The following RMND5A variants were observed in gnomAD, a reference collection of about 807,000 sequenced individuals.
The protein encoded by RMND5A is required for meiotic nuclear division 5 homolog A.
Under a neutral mutation model 49.7 loss-of-function variants are expected in RMND5A, and 17 were observed. The observed-to-expected ratio is 0.34, with a 90% confidence interval of 0.23 to 0.51. The LOEUF (loss-of-function observed/expected upper bound fraction) is 0.51, where lower values mean the gene tolerates loss of function less well. Among genes scored for constraint, RMND5A ranks in the 20% least tolerant of loss-of-function variants. The pLI is 0.96. For missense variants in RMND5A, 255 were observed against 471.3 expected (o/e 0.54, Z 4.25); for synonymous variants, 156 against 167.7 (o/e 0.93, Z 0.54).
intron 4 of RMND5A, among the ~76,000 whole-genome samples, chr2:86,755,120 T>C (rs1258755579): frequency 1.3e-5 from 2 of 151,672 alleles, no homozygotes; most frequent in Non-Finnish European, 2.9e-5. Context: ...TACTTTTTTT[T>C]TTTTTTTTCC....
chr2:86,748,593 A>G (rs1396307604), intron 2 of RMND5A: 6 of 152,208 alleles, frequency 3.9e-5, no homozygotes, highest in African/African-American at 1.4e-4. Flanking sequence ...TTTGTAGCAA[A>G]CCCAAAGAAA....
intron 4 of RMND5A, among the ~76,000 whole-genome samples, chr2:86,764,259 TATATTTAGAGAA>T (rs1352821521): frequency 6.6e-6 from 1 of 152,222 alleles, no homozygotes; most frequent in Non-Finnish European, 1.5e-5. Context: ...TATATATTAA[TATATTTAGAGAA>T]ATAAAGTACT....
rs545343435 is a variant in RMND5A, at chr2:86,747,343, TGTTAA to T, written c.286-4548_286-4544del. ...CATTTCATGTTCTGTCCATTTTTTC[TGTTAA>T]GTTATCTTTCTTATTGAGAGGTGTG... On this transcript the variant is annotated intron_variant, in intron 2 of 8. Coordinates refer to ENST00000283632, the MANE Select transcript of RMND5A (RefSeq NM_022780.4). Among the ~76,000 whole-genome samples, 344 of 152,362 alleles carry T rather than the reference TGTTAA, an allele frequency of 2.3e-3. 2 individuals are homozygous for T. Among genetic ancestry groups the T allele is most frequent in the African/African-American group, 7.7e-3 (322 of 41,590 alleles).
At chr2:86,761,762 T>C (rs1209988811) in intron 4 of RMND5A, among the ~76,000 whole-genome samples, 2 of 152,232 alleles carry the variant, frequency 1.3e-5, no homozygotes, top group Non-Finnish European at 2.9e-5. Flanking sequence ...AGTTCCTTTT[T>C]GTAAAGGTAT....
intron 4 of RMND5A, among the ~76,000 whole-genome samples, chr2:86,762,658 AT>A (rs1195697848): frequency 7.2e-5 from 9 of 124,736 alleles, no homozygotes; most frequent in South Asian, 4.8e-4. Context: ...AAAAAAAAAT[AT>A]TTTTTTATAT....
chr2:86,773,348 A>T lies in RMND5A; in HGVS notation c.1113A>T (p.Lys371Asn). 6.3e-7 allele frequency: 1 copy of T among 1,594,216 alleles called. No homozygotes were observed. The highest frequency in any genetic ancestry group is 8.6e-7 in the Non-Finnish European group (1 of 1,162,226). ...TCAGTGTTTTCTTCTTTGTCTTTAG[A>T]TTAAAATGTCCCTACTGTCCAATGG... ...DALNKMFNGS[K>N]LKCPYCPMEQ... Residue 371 changes from lysine to asparagine, a missense_variant and splice_region_variant, in exon 9 of 9, where the codon AAA becomes AAT. Around this residue, in one of 3 missense-constraint regions of RMND5A, gnomAD observed 208 missense variants for 339.8 expected, o/e 0.61. Coordinates refer to ENST00000283632, the MANE Select transcript of RMND5A (RefSeq NM_022780.4).
chr2:86,752,376 A>T (rs1681651542), intron 3 of RMND5A, among the ~76,000 whole-genome samples: 1 of 152,240 alleles, frequency 6.6e-6, no homozygotes, highest in Non-Finnish European at 1.5e-5. Flanking sequence ...GGACAAAAAC[A>T]TTGATGTTTG....
At chr2:86,769,575 T>C (rs1371873951) in intron 6 of RMND5A, among the ~76,000 whole-genome samples, 1 of 152,220 alleles carries the variant, frequency 6.6e-6, no homozygotes, top group Non-Finnish European at 1.5e-5. Context: ...TTTGAATTAA[T>C]TGGTTCTCCA....
At chr2:86,744,551 T>C (rs1410709436) in intron 2 of RMND5A, among the ~76,000 whole-genome samples, 1 of 152,248 alleles carries the variant, frequency 6.6e-6, no homozygotes, top group Admixed American at 6.5e-5. Context: ...GAAACATTAG[T>C]AAATTTTAGT....
chr2:86,720,390 C>G lies in RMND5A; in HGVS notation c.-278C>G, dbSNP rs1015068750. 1 of 166,804 alleles carries G rather than the reference C, an allele frequency of 6.0e-6. No homozygotes were observed. Among genetic ancestry groups the G allele is most frequent in the Non-Finnish European group, 1.3e-5 (1 of 78,122 alleles). 10.3% of individuals were successfully genotyped at this position (166,804 alleles called of 1,614,324 possible). ...AATCGGCCGCGCCGTCGCAGGCACCCGAACGTCGCGAGCGGGGCCTGGGGA... is the reference window on the plus strand; with the variant it reads ...AATCGGCCGCGCCGTCGCAGGCACCGGAACGTCGCGAGCGGGGCCTGGGGA... On this transcript the variant is annotated 5_prime_UTR_variant, in exon 1 of 9. Transcript: ENST00000283632.
chr2:86,753,440 CT>C lies in RMND5A; in HGVS notation c.421-15del, dbSNP rs1558723138. ...TGATTACTGCTAACAAAAGTTCTTT[CT>C]TTCTTTCTTTTTCCAGGAATCTGGT... On this transcript the variant is annotated splice_polypyrimidine_tract_variant and intron_variant, in intron 3 of 8. Transcript: ENST00000283632. 1.3e-6 allele frequency: 2 copies of C among 1,498,958 alleles called. No individual in the cohort carries two copies. The highest frequency in any genetic ancestry group is 1.8e-6 in the Non-Finnish European group (2 of 1,081,402). The allele number at this position is 1,498,958 out of a possible 1,614,324, so 92.9% of individuals were successfully genotyped here. A position where few individuals can be genotyped will look rare whatever the true frequency, so the allele number is the denominator to read the frequency against.
In RMND5A at chr2:86,777,509, G is replaced by T. The variant is rs969973029; in HGVS notation, c.*4098G>T. ...TTTTGCTCATGACTGCAGTATGCAT[G>T]TATTTTTTTCCTTCTCTGTGTTTTC... On this transcript the variant is annotated 3_prime_UTR_variant, in exon 9 of 9. Transcript: ENST00000283632. 1 of 152,176 alleles carries T rather than the reference G, an allele frequency of 6.6e-6. No homozygotes were observed. The highest frequency in any genetic ancestry group is 2.4e-5 in the African/African-American group (1 of 41,442). 9.4% of individuals were successfully genotyped at this position (152,176 alleles called of 1,614,324 possible).
intron 2 of RMND5A, among the ~76,000 whole-genome samples, chr2:86,745,479 C>T (rs1681522704): frequency 6.6e-6 from 1 of 152,072 alleles, no homozygotes; most frequent in South Asian, 2.1e-4. Context: ...TCGGAAAGGG[C>T]AAAACAGCAA....
At chr2:86,753,898 T>C (rs1681684979) in intron 4 of RMND5A, among the ~76,000 whole-genome samples, 1 of 152,230 alleles carries the variant, frequency 6.6e-6, no homozygotes, top group African/African-American at 2.4e-5. Flanking sequence ...GCTTCCTTCA[T>C]GTGCTGGGTT....
rs1222418773 is a variant in RMND5A, at chr2:86,752,055, T to C, written c.420+25T>C. On this transcript the variant is annotated intron_variant, in intron 3 of 8. Coordinates refer to ENST00000283632, the MANE Select transcript of RMND5A (RefSeq NM_022780.4). ...GGTAACAGTGTGCCAACTGGGAGGA[T>C]ATGAAAAAGAAACAAGGGAACTCCT... The C allele has an allele frequency of 2.5e-6, 4 of 1,609,744 alleles. No individual in the cohort carries two copies. In the African/African-American group the frequency reaches 4.0e-5, roughly 16 times the overall value.
At chr2:86,759,549 G>C (rs916533911) in intron 4 of RMND5A, among the ~76,000 whole-genome samples, 1 of 151,920 alleles carries the variant, frequency 6.6e-6, no homozygotes, top group African/African-American at 2.4e-5. Flanking sequence ...CTGGAAATTT[G>C]GGATCAGAAT....
At chr2:86,773,273 T>C in intron 8 of RMND5A, 75 bp from the exon 9 acceptor site, 4 of 786,008 alleles carry the variant, frequency 5.1e-6, no homozygotes, top group Non-Finnish European at 8.7e-6. Flanking sequence ...TTAAAGATAC[T>C]CTATAACTAG....
At position 86,749,282 on chromosome 2, in the gene RMND5A, CAT is replaced by C. The variant is rs1182473152; in HGVS notation, c.286-2612_286-2611del. Among the ~76,000 whole-genome samples, 8 of 152,322 alleles carry C rather than the reference CAT, an allele frequency of 5.3e-5. No individual in the cohort carries two copies. The East Asian group carries it at 1.5e-3, about 29-fold the overall frequency. ...CAGAATCTGATAAATAGAAATTAAACATAATCTTATACAAGCAGTTGTGGTTC... is the reference window on the plus strand; with the variant it reads ...CAGAATCTGATAAATAGAAATTAAACAATCTTATACAAGCAGTTGTGGTTC... On this transcript the variant is annotated intron_variant, in intron 2 of 8. Transcript: ENST00000283632.
At chr2:86,769,135 G>T (rs1307582278) in intron 6 of RMND5A, among the ~76,000 whole-genome samples, 3 of 152,114 alleles carry the variant, frequency 2.0e-5, no homozygotes, top group African/African-American at 7.2e-5. Flanking sequence ...TGTAGAGACG[G>T]GGGTCTCACT....
Sources: gnomAD v4.1 joint callset for allele counts (sites outside exome capture counted in the v4.1 genomes callset) on GRCh38, gnomAD v4.1.1 for gene constraint, gnomAD v4.1.1 regional missense constraint, MANE v1.5 for transcripts, NCBI Gene and HGNC (gene_info 2026-07-23, HGNC 2026-07-21) for gene names.